Variants in SPARCL1 observed in about 807,000 individuals in gnomAD.
SPARCL1 encodes the protein SPARC-like protein 1.
Under a neutral mutation model 67.1 loss-of-function variants are expected in SPARCL1, and 52 were observed. The ratio of observed to expected loss-of-function variants is 0.78; its 90% confidence interval spans 0.62 to 0.98. The LOEUF is 0.98. Among genes scored for constraint, SPARCL1 ranks in the 50% least tolerant of loss-of-function variants. The pLI, the probability that SPARCL1 is intolerant of heterozygous loss-of-function variation, is 0.00. For missense variants in SPARCL1, 717 were observed against 782.4 expected (o/e 0.92, Z 1.00); for synonymous variants, 226 against 267.8 (o/e 0.84, Z 1.52).
rs755851098 is a variant in SPARCL1, at chr4:87,480,508, A to G, written c.1681T>C (p.Tyr561His). 1 of 1,608,738 alleles carries G rather than the reference A, an allele frequency of 6.2e-7. No homozygotes were observed. Among genetic ancestry groups the G allele is most frequent in the Non-Finnish European group, 8.5e-7 (1 of 1,178,380 alleles). Residue 561 changes from tyrosine to histidine, a missense_variant, in exon 9 of 11, where the codon TAC becomes CAC. Physicochemically the swap from Tyr to His is moderately conservative, Grantham distance 83. Coordinates refer to ENST00000282470, the MANE Select transcript of SPARCL1 (RefSeq NM_004684.6). ...GCCAAAAGCCTCTTTTCATCCAGGT[A>G]AATTTTCTTGACCTGGGATTAGGAA... ...EKQRNKVKKI[Y>H]LDEKRLLAGD...
chr4:87,490,287 A>G lies in SPARCL1; in HGVS notation c.1517T>C (p.Phe506Ser), dbSNP rs1724261283. 6.2e-7 allele frequency: 1 copy of G among 1,611,808 alleles called. No homozygotes were observed. Among genetic ancestry groups the G allele is most frequent in the Non-Finnish European group, 8.5e-7 (1 of 1,179,172 alleles). The part of the protein sequence containing the change: ...KKGHQLQLDY[F>S]GACKSIPTCT... ...CATAATCTTACATTTGCAGGCTCCA[A>G]AATAATCCAGCTGGAGTTGATGCCC... The change falls in exon 7 of 11, where the codon TTT becomes TCT. Residue 506 changes from phenylalanine (F) to serine (S), a missense_variant. Coordinates refer to ENST00000282470, the MANE Select transcript of SPARCL1 (RefSeq NM_004684.6).
intron 10 of SPARCL1, among the ~76,000 whole-genome samples, chr4:87,474,868 G>C (rs1342885168): frequency 2.0e-5 from 3 of 150,128 alleles, no homozygotes; most frequent in African/African-American, 7.4e-5. Context: ...TCAGCCTCCC[G>C]AGTGGCTGGG....
At chr4:87,473,881 G>C (rs996403286) in intron 10 of SPARCL1, 78 bp from the exon 11 acceptor site, 11 of 985,250 alleles carry the variant, frequency 1.1e-5, no homozygotes, top group South Asian at 5.7e-5. Context: ...AGAGTTGGGG[G>C]ATTAGAGAAA....
At chr4:87,479,104 G>A (rs1020427164) in intron 10 of SPARCL1, among the ~76,000 whole-genome samples, 3 of 152,130 alleles carry the variant, frequency 2.0e-5, no homozygotes, top group African/African-American at 7.2e-5. Flanking sequence ...CCAGGTTAAG[G>A]TAGGATATGA....
At chr4:87,520,925 A>G (rs1725785530) in intron 1 of SPARCL1, among the ~76,000 whole-genome samples, 1 of 152,226 alleles carries the variant, frequency 6.6e-6, no homozygotes, top group Admixed American at 6.5e-5. Context: ...TATCTCCTAG[A>G]AAAGAGGAGG....
intron 1 of SPARCL1, among the ~76,000 whole-genome samples, chr4:87,503,581 C>T (rs1359984678): frequency 6.6e-6 from 1 of 151,952 alleles, no homozygotes; most frequent in Non-Finnish European, 1.5e-5. Flanking sequence ...TTCATATTTT[C>T]CTCTGTCATT....
chr4:87,504,795 C>T (rs2110242232), intron 1 of SPARCL1: 1 of 152,262 alleles, frequency 6.6e-6, no homozygotes, highest in South Asian at 2.1e-4. Context: ...AAGTTCCAAA[C>T]ATTTTAAGGA....
intron 5 of SPARCL1, 29 bp from the exon 6 acceptor site, chr4:87,490,907 G>T: frequency 7.8e-7 from 1 of 1,281,096 alleles, no homozygotes; most frequent in Non-Finnish European, 1.1e-6. Flanking sequence ...CAGGAAGCAT[G>T]GACAAAGTTA....
chr4:87,492,290 C>T (rs1194618851), intron 4 of SPARCL1, among the ~76,000 whole-genome samples: 3 of 151,906 alleles, frequency 2.0e-5, no homozygotes, highest in South Asian at 2.1e-4. Flanking sequence ...TGGTGGCAGG[C>T]GCCTATAGTC....
chr4:87,491,427 A>G (rs1724320494), intron 5 of SPARCL1, among the ~76,000 whole-genome samples, 191 bp downstream of exon 5: 1 of 152,224 alleles, frequency 6.6e-6, no homozygotes. Context: ...TTGCAAACAC[A>G]TTTACCCATT....
At chr4:87,510,202 T>C (rs1457847263) in intron 1 of SPARCL1, among the ~76,000 whole-genome samples, 1 of 152,160 alleles carries the variant, frequency 6.6e-6, no homozygotes. Context: ...GGAAATACTA[T>C]ATAATATGTG....
intron 1 of SPARCL1, among the ~76,000 whole-genome samples, chr4:87,516,110 A>G (rs1725571376): frequency 2.0e-5 from 3 of 152,192 alleles, no homozygotes; most frequent in Admixed American, 6.5e-5. Context: ...GGGAGCCTTG[A>G]GCCATTTTCT....
chr4:87,501,129 A>G (rs1724825701), intron 1 of SPARCL1, among the ~76,000 whole-genome samples: 5 of 151,968 alleles, frequency 3.3e-5, no homozygotes, highest in Admixed American at 3.3e-4. Context: ...TACATCAACA[A>G]CCCCGTAAGG....
At chr4:87,505,585 C>A (rs1578108950) in intron 1 of SPARCL1, among the ~76,000 whole-genome samples, 1 of 152,050 alleles carries the variant, frequency 6.6e-6, no homozygotes, top group Non-Finnish European at 1.5e-5. Context: ...GAGACAGGGT[C>A]TTGCTCTGTT....
chr4:87,512,269 C>A (rs1219902364), intron 1 of SPARCL1, among the ~76,000 whole-genome samples: 1 of 151,976 alleles, frequency 6.6e-6, no homozygotes, highest in Non-Finnish European at 1.5e-5. Flanking sequence ...ATGCCCGGCC[C>A]CAGATTTCCC....
intron 1 of SPARCL1, among the ~76,000 whole-genome samples, chr4:87,502,847 G>A (rs1724907286): frequency 1.3e-5 from 2 of 152,336 alleles, no homozygotes; most frequent in Admixed American, 1.3e-4. Flanking sequence ...GCATTGGAGG[G>A]CTTCCAAGGA....
chr4:87,493,944 T>C lies in SPARCL1; in HGVS notation c.856A>G (p.Lys286Glu). 6.2e-7 allele frequency: 1 copy of C among 1,614,196 alleles called. No homozygotes were observed. The highest frequency in any genetic ancestry group is 8.5e-7 in the Non-Finnish European group (1 of 1,180,024). Residue 286 changes from lysine to glutamate, a missense_variant, in exon 4 of 11, where the codon AAG becomes GAG. Transcript: ENST00000282470. ...TGCCATTCAGTTTCTTGAATGTGCT[T>C]ATTGACGTTCGATGCATTTTCCTCT... The part of the protein sequence containing the change: ...MEEENASNVN[K>E]HIQETEWQSQ...
In SPARCL1 at chr4:87,493,844, G is replaced by A. The variant is rs751826092; in HGVS notation, c.956C>T (p.Ala319Val). The A allele has an allele frequency of 1.2e-6, 2 of 1,614,004 alleles. No individual in the cohort carries two copies. The highest frequency in any genetic ancestry group is 1.7e-6 in the Non-Finnish European group (2 of 1,180,028). ...KETEEKTVSE[A>V]LLMEPTDDGN... The stretch of plus-strand genomic sequence containing the variant: ...ATCATCAGTAGGTTCCATGAGCAGA[G>A]CCTCAGAAACAGTCTTTTCTTCTGT... Residue 319 changes from alanine to valine, a missense_variant, in exon 4 of 11, where the codon GCT becomes GTT. Coordinates refer to ENST00000282470, the MANE Select transcript of SPARCL1 (RefSeq NM_004684.6).
chr4:87,481,321 G>A (rs1316766941), intron 8 of SPARCL1, among the ~76,000 whole-genome samples: 3 of 152,126 alleles, frequency 2.0e-5, no homozygotes, highest in Non-Finnish European at 4.4e-5. Flanking sequence ...TCTTGACTGG[G>A]TTATTTCCAG....
Sources: gnomAD v4.1 joint callset for allele counts (sites outside exome capture counted in the v4.1 genomes callset) on GRCh38, gnomAD v4.1.1 for gene constraint, MANE v1.5 for transcripts, NCBI Gene and HGNC (gene_info 2026-07-23, HGNC 2026-07-21) for gene names.